The following RASGRP2 variants were observed in gnomAD, a reference collection of about 807,000 sequenced individuals.
The protein encoded by RASGRP2 is RAS guanyl-releasing protein 2.
In RASGRP2, 44 loss-of-function variants were observed where a neutral mutation model predicts 71.0. The observed-to-expected ratio is 0.62, with a 90% confidence interval of 0.49 to 0.80. RASGRP2 has a LOEUF of 0.80. Ranked by LOEUF, RASGRP2 falls within the 30% of genes least tolerant of loss-of-function variation. The pLI is 0.00. For synonymous variants in RASGRP2, 350 were observed against 330.7 expected, an observed-to-expected ratio of 1.06 and a Z score of -0.63; for missense variants, 663 against 813.4, an observed-to-expected ratio of 0.82 and a Z score of 2.25.
chr11:64,736,642 TC>T, intron 9 of RASGRP2, 110 bp downstream of exon 9: 1 of 1,237,824 alleles, frequency 8.1e-7, no homozygotes, highest in Admixed American at 2.1e-5. Flanking sequence ...ACGCTAGATC[TC>T]AGTTTCTTGG....
chr11:64,732,183 G>GA (rs199605858), intron 12 of RASGRP2, among the ~76,000 whole-genome samples: 158 of 151,816 alleles, frequency 1.0e-3, no homozygotes, highest in Middle Eastern at 3.4e-3. Flanking sequence ...GCACAAAGAT[G>GA]AAAAAAAACA....
At chr11:64,731,842 C>A (rs1433697352) in intron 12 of RASGRP2, among the ~76,000 whole-genome samples, 1 of 152,184 alleles carries the variant, frequency 6.6e-6, no homozygotes, top group Non-Finnish European at 1.5e-5. Context: ...GATGGGGGTG[C>A]AAACTGGTAC....
chr11:64,727,211 G>T, intron 16 of RASGRP2, 80 bp from the exon 17 acceptor site: 1 of 1,258,734 alleles, frequency 7.9e-7, no homozygotes, highest in South Asian at 1.2e-5. Context: ...GAGCCATTTG[G>T]ATAAAGCACC....
chr11:64,742,941 T>G lies in RASGRP2; in HGVS notation c.-71-4A>C. On this transcript the variant is annotated splice_polypyrimidine_tract_variant and splice_region_variant and intron_variant, in intron 1 of 16. Coordinates refer to ENST00000394432, the MANE Select transcript of RASGRP2 (RefSeq NM_001098671.2). The surrounding 1 kb of genome is among the most constrained non-coding windows in gnomAD (Gnocchi z 4.7). ...CCACCGGGCTCGGACCGAACCCCTGTCCCGGGAGAGGCAGAGCGGGAGTCT... is the reference window on the plus strand; with the variant it reads ...CCACCGGGCTCGGACCGAACCCCTGGCCCGGGAGAGGCAGAGCGGGAGTCT... 1 of 1,531,404 alleles carries G rather than the reference T, an allele frequency of 6.5e-7. No individual in the cohort carries two copies. Among genetic ancestry groups the G allele is most frequent in the Non-Finnish European group, 8.7e-7 (1 of 1,143,874 alleles). The allele number at this position is 1,531,404 out of a possible 1,614,324, so 94.9% of individuals were successfully genotyped here. A position where few individuals can be genotyped will look rare whatever the true frequency, so the allele number is the denominator to read the frequency against.
chr11:64,736,786 T>C lies in RASGRP2; in HGVS notation c.1062A>G (p.Val354=), dbSNP rs933345995. The part of the protein sequence containing the change: ...LAMVTSLRPP[V]QANPDLLSLL... ...GGCTCAGCAGGTCGGGGTTGGCCTGTACTGGTGGCCGCAGGCTGGTCACCA... is the reference window on the plus strand; with the variant it reads ...GGCTCAGCAGGTCGGGGTTGGCCTGCACTGGTGGCCGCAGGCTGGTCACCA... Residue 354 remains valine (V), a synonymous_variant, in exon 9 of 17, where the codon GTA becomes GTG. Transcript: ENST00000394432. 4 of 1,603,030 alleles carry C rather than the reference T, an allele frequency of 2.5e-6. No homozygotes were observed. Among genetic ancestry groups the C allele is most frequent in the Non-Finnish European group, 3.4e-6 (4 of 1,175,576 alleles).
intron 8 of RASGRP2, among the ~76,000 whole-genome samples, chr11:64,737,479 G>A (rs763012388): frequency 1.3e-4 from 19 of 151,896 alleles, no homozygotes; most frequent in Admixed American, 2.6e-4. Context: ...GACCATCTTG[G>A]CCAACATGGT....
chr11:64,742,117 C>T lies in RASGRP2; in HGVS notation c.74-5G>A, dbSNP rs552479846. 141 of 1,580,706 alleles carry T rather than the reference C, an allele frequency of 8.9e-5. No homozygotes were observed. Among genetic ancestry groups the T allele is most frequent in the Admixed American group, 1.8e-4 (10 of 54,372 alleles). On this transcript the variant is annotated splice_polypyrimidine_tract_variant and splice_region_variant and intron_variant, in intron 2 of 16. Transcript: ENST00000394432. The surrounding 1 kb of genome is among the most constrained non-coding windows in gnomAD (Gnocchi z 4.7). ...CCCGCACCTTCCCGGAGTCATCTGA[C>T]TCCGAAGGGTCAAAGACAGGTGGCT... is the stretch of plus-strand genomic sequence containing the variant.
At position 64,739,706 on chromosome 11, in the gene RASGRP2, A is replaced by T; in HGVS notation, c.626T>A (p.Leu209His). 1.2e-6 allele frequency: 2 copies of T among 1,613,914 alleles called. No homozygotes were observed. Among genetic ancestry groups the T allele is most frequent in the Non-Finnish European group, 1.7e-6 (2 of 1,179,926 alleles). The change falls in exon 7 of 17, where the codon CTC becomes CAC. Residue 209 changes from leucine to histidine, a missense_variant. Leu to His is a moderately conservative substitution (Grantham distance 99, BLOSUM62 -3). Transcript: ENST00000394432. The surrounding 1 kb of genome is among the most constrained non-coding windows in gnomAD (Gnocchi z 4.2). Reference protein sequence around the residue: ...LFNSVSQWVQLMILSKPTAPQ... With the variant: ...LFNSVSQWVQHMILSKPTAPQ... ...GGCTGTGGGTTTGCTGAGGATCATG[A>T]GCTGCACCCACTGTGAGACGCTGTT...
In RASGRP2 at chr11:64,735,287, T is replaced by C; in HGVS notation, c.1297-60A>G. 7.2e-7 allele frequency: 1 copy of C among 1,391,134 alleles called. No homozygotes were observed. The allele number at this position is 1,391,134 out of a possible 1,614,324, so 86.2% of individuals were successfully genotyped here. On this transcript the variant is annotated intron_variant, in intron 11 of 16. Coordinates refer to ENST00000394432, the MANE Select transcript of RASGRP2 (RefSeq NM_001098671.2). This position sits in a 1 kb window ranked among gnomAD's most constrained non-coding sequence, Gnocchi z 4.2. ...AGGGGAGAGTAAAGGGGACATCAGG[T>C]CCTGTCCCTTCCCACGTTCCCAGTC...
chr11:64,736,346 A>C (rs112355233), intron 9 of RASGRP2, among the ~76,000 whole-genome samples: 2 of 152,062 alleles, frequency 1.3e-5, no homozygotes, highest in African/African-American at 4.8e-5. Context: ...CCTTGTCTGG[A>C]TCTAAACCAG....
At chr11:64,730,608 C>T (rs546472701) in intron 12 of RASGRP2, among the ~76,000 whole-genome samples, 100 of 152,350 alleles carry the variant, frequency 6.6e-4, no homozygotes, top group African/African-American at 2.2e-3. Flanking sequence ...GCATCCCTCT[C>T]TCTCCTGCAT....
intron 3 of RASGRP2, 121 bp downstream of exon 3, chr11:64,741,889 G>A: frequency 1.1e-6 from 1 of 882,010 alleles, no homozygotes; most frequent in Non-Finnish European, 1.9e-6. Flanking sequence ...GACGACGCCT[G>A]AGCTCTGGGA....
intron 12 of RASGRP2, among the ~76,000 whole-genome samples, chr11:64,731,518 T>C (rs2057769630): frequency 6.6e-6 from 1 of 151,898 alleles, no homozygotes; most frequent in Non-Finnish European, 1.5e-5. Flanking sequence ...ACAACATAAA[T>C]GACAGACAGG....
In RASGRP2 at chr11:64,729,042, G is replaced by A. The variant is rs904177547; in HGVS notation, c.1592C>T (p.Ala531Val). The A allele has an allele frequency of 6.3e-7, 1 of 1,593,472 alleles. No homozygotes were observed. The highest frequency in any genetic ancestry group is 1.3e-5 in the African/African-American group (1 of 74,802). ...GIYKQGLKCR[A>V]CGVNCHKQCK... ...CTGCTTGTGGCAGTTCACTCCACAG[G>A]CTGGGGGAGAGCAAATGGAGAGCCA... Residue 531 changes from alanine to valine, a missense_variant and splice_region_variant, in exon 15 of 17, where the codon GCC (alanine) becomes GTC (valine). Transcript: ENST00000394432.
Position 64,740,019 on chromosome 11 carries a change from C to T in RASGRP2, c.516G>A (p.Lys172=). ...LTYLEYRSFC[K]ILFQDYHSFV... is the part of the protein sequence containing the mutation. ...CCCAGCCCTCGGGCCGCACCAGGAT[C>T]TTGCAGAAGGAGCGATACTCCAAGT... Residue 172 remains lysine, a synonymous_variant, in exon 6 of 17, where the codon AAG becomes AAA. Transcript: ENST00000394432. 6.2e-7 allele frequency: 1 copy of T among 1,614,188 alleles called. No homozygotes were observed. Among genetic ancestry groups the T allele is most frequent in the Non-Finnish European group, 8.5e-7 (1 of 1,180,036 alleles).
intron 12 of RASGRP2, among the ~76,000 whole-genome samples, chr11:64,734,809 C>T (rs2057877165): frequency 6.6e-6 from 1 of 152,232 alleles, no homozygotes; most frequent in African/African-American, 2.4e-5. Flanking sequence ...AAGTTGCCCA[C>T]ACTTCTTGAC....
intron 4 of RASGRP2, 63 bp from the exon 5 acceptor site, chr11:64,741,142 G>C: frequency 6.3e-7 from 1 of 1,583,272 alleles, no homozygotes; most frequent in Middle Eastern, 2.2e-4. Context: ...AGGCTGCAAG[G>C]AGCTATTTGA....
rs530338265 is a variant in RASGRP2 at position 64,742,682 on chromosome 11, A to G, written c.73+112T>C. 1.8e-5 allele frequency: 25 copies of G among 1,394,866 alleles called. 1 individual carries two copies. Among genetic ancestry groups the G allele is most frequent in the South Asian group, 2.5e-5 (2 of 81,010 alleles). 86.4% of individuals were successfully genotyped at this position (1,394,866 alleles called of 1,614,324 possible). A position where few individuals can be genotyped will look rare whatever the true frequency, so the allele number is the denominator to read the frequency against. ...TCGTTAAAGAGACTGCACGCTGCGG[A>G]GCAGGGTGGGTCCGGGTCAGGGCTG... On this transcript the variant is annotated intron_variant, in intron 2 of 16. Transcript: ENST00000394432. The surrounding 1 kb of genome is among the most constrained non-coding windows in gnomAD (Gnocchi z 4.7).
chr11:64,736,809 C>A lies in RASGRP2; in HGVS notation c.1039G>T (p.Val347Leu). The change falls in exon 9 of 17, where the codon GTG becomes TTG. Residue 347 changes from valine (V) to leucine (L), a missense_variant. Transcript: ENST00000394432. ...TGTACTGGTGGCCGCAGGCTGGTCA[C>A]CATGGCCAGCTCCTCCAGGATGCTA... ...LFSILEELAMVTSLRPPVQAN... is the reference protein window; with the variant it reads ...LFSILEELAMLTSLRPPVQAN... 2.5e-6 allele frequency: 4 copies of A among 1,610,590 alleles called. No individual in the cohort carries two copies. The highest frequency in any genetic ancestry group is 3.4e-6 in the Non-Finnish European group (4 of 1,179,208).
Sources: allele counts gnomAD v4.1 joint callset (sites outside exome capture counted in the v4.1 genomes callset), GRCh38; gene constraint gnomAD v4.1.1; non-coding constraint Gnocchi (gnomAD v3.1); transcripts MANE v1.5; gene names NCBI Gene and HGNC (gene_info 2026-07-23, HGNC 2026-07-21).